PTPN20: variants seen among roughly 807,000 people sequenced by gnomAD.
PTPN20 encodes protein tyrosine phosphatase non-receptor type 20.
Under a neutral mutation model 35.0 loss-of-function variants are expected in PTPN20, and 9 were observed. The observed-to-expected ratio is 0.26, with a 90% CI of 0.15 to 0.45. The LOEUF (loss-of-function observed/expected upper bound fraction) is 0.45, where lower values mean the gene tolerates loss of function less well. Among genes scored for constraint, PTPN20 ranks in the 20% least tolerant of loss-of-function variants. The pLI is 1.00. For synonymous variants in PTPN20, 32 were observed against 100.2 expected, an observed-to-expected ratio of 0.32 and a Z score of 4.06; for missense variants, 111 against 312.5, an observed-to-expected ratio of 0.36 and a Z score of 4.86.
chr10:46,935,773 T>G (rs1158717216), intron 2 of PTPN20, among the ~76,000 whole-genome samples: 1 of 152,206 alleles, frequency 6.6e-6, no homozygotes, highest in Admixed American at 6.5e-5. Flanking sequence ...AACATACATG[T>G]GCATATGTCT....
chr10:46,993,051 A>G (rs113231185), intron 9 of PTPN20, among the ~76,000 whole-genome samples: 3,931 of 152,280 alleles, frequency 0.026, 66 homozygotes, highest in Middle Eastern at 0.075. Context: ...TTTCACAGGC[A>G]GTGTATACTG....
intron 1 of PTPN20, among the ~76,000 whole-genome samples, chr10:46,929,690 A>G (rs1223572689): frequency 6.7e-6 from 1 of 149,324 alleles, no homozygotes; most frequent in Non-Finnish European, 1.5e-5. Flanking sequence ...CAACCCGAGG[A>G]GATGAGTCCA....
chr10:46,959,255 CTTCT>C (rs1316532410), intron 5 of PTPN20, among the ~76,000 whole-genome samples: 1 of 137,626 alleles, frequency 7.3e-6, no homozygotes, highest in Non-Finnish European at 1.6e-5. Flanking sequence ...ATATAATGTC[CTTCT>C]TTGTCATTTT....
intron 5 of PTPN20, among the ~76,000 whole-genome samples, chr10:46,953,445 A>G (rs1555149045): frequency 1.6e-5 from 2 of 128,500 alleles, no homozygotes; most frequent in Non-Finnish European, 3.1e-5. Context: ...TTTTGGTTCA[A>G]TGTTGAATAA....
At chr10:46,954,827 A>G (rs1288004779) in intron 5 of PTPN20, among the ~76,000 whole-genome samples, 4 of 151,362 alleles carry the variant, frequency 2.6e-5, no homozygotes, top group Admixed American at 6.6e-5. Flanking sequence ...AACTTAGATT[A>G]TTGATATATT....
intron 7 of PTPN20, among the ~76,000 whole-genome samples, chr10:46,977,288 C>G (rs1449411858): frequency 1.3e-5 from 2 of 152,294 alleles, no homozygotes; most frequent in Non-Finnish European, 2.9e-5. Flanking sequence ...ACTTGCCAGT[C>G]CCCACAATCA....
At chr10:46,940,559 G>T (rs1430179583) in intron 2 of PTPN20, 64 bp from the exon 3 acceptor site, 56 of 1,498,308 alleles carry the variant, frequency 3.7e-5, no homozygotes, top group Admixed American at 8.5e-5. Flanking sequence ...TCTCATTAAG[G>T]CTCCATTTTT....
intron 7 of PTPN20, 147 bp downstream of exon 7, chr10:46,968,194 TA>T: frequency 3.5e-6 from 1 of 288,410 alleles, no homozygotes; most frequent in African/African-American, 5.6e-5. Flanking sequence ...GGGCATATTC[TA>T]AGATATGTGC....
intron 10 of PTPN20, among the ~76,000 whole-genome samples, chr10:47,000,226 G>A (rs1046237669): frequency 3.7e-4 from 56 of 152,288 alleles, no homozygotes; most frequent in African/African-American, 1.2e-3. Flanking sequence ...AGGTCTCCTC[G>A]TGTCCAAACA....
rs148091773 is a variant in PTPN20 at position 46,978,913 on chromosome 10, G to A, written c.584-5317G>A. Among the ~76,000 whole-genome samples, 34 of 149,372 alleles carry A rather than the reference G, an allele frequency of 2.3e-4. 1 individual carries two copies. The highest frequency in any genetic ancestry group is 7.8e-4 in the African/African-American group (32 of 41,002). On this transcript the variant is annotated intron_variant, in intron 7 of 10. Coordinates refer to ENST00000374339, the MANE Select transcript of PTPN20 (RefSeq NM_001042357.5). The stretch of plus-strand genomic sequence containing the variant: ...TTCCTAGAAGTGAACTAGATGGGAC[G>A]TCTACTGAATTCTTCCTTGATAGGT...
intron 5 of PTPN20, among the ~76,000 whole-genome samples, chr10:46,954,032 A>T (rs2135027206): frequency 8.5e-6 from 1 of 117,318 alleles, no homozygotes; most frequent in Non-Finnish European, 1.7e-5. Context: ...CAGTGAGGCC[A>T]ACTGGACCCA....
intron 2 of PTPN20, among the ~76,000 whole-genome samples, chr10:46,934,989 G>GTTA: frequency 6.8e-6 from 1 of 147,374 alleles, no homozygotes; most frequent in Non-Finnish European, 1.5e-5. Context: ...TTATATGTCT[G>GTTA]TATGAGAGCT....
chr10:46,988,894 C>T (rs1229759966), intron 9 of PTPN20, among the ~76,000 whole-genome samples: 2 of 148,488 alleles, frequency 1.3e-5, no homozygotes, highest in African/African-American at 4.9e-5. Context: ...TTCTTTATTT[C>T]CTTTCAGCTA....
intron 9 of PTPN20, among the ~76,000 whole-genome samples, chr10:46,997,630 AC>A (rs1426649674): frequency 6.6e-6 from 1 of 151,616 alleles, no homozygotes; most frequent in East Asian, 1.9e-4. Context: ...AAAAAAAAAA[AC>A]AAGCTAGAGA....
At chr10:46,938,288 T>C (rs1464642204) in intron 2 of PTPN20, among the ~76,000 whole-genome samples, 3 of 123,952 alleles carry the variant, frequency 2.4e-5, no homozygotes, top group Admixed American at 8.5e-5. Context: ...TTCTGCCTTG[T>C]AGTTATGTTA....
rs1164720918 is a variant in PTPN20, at chr10:47,000,681, G to C, written c.1203G>C (p.Gln401His). The C allele has an allele frequency of 5.4e-5, 87 of 1,613,360 alleles. 3 individuals carry two copies. The South Asian group carries it at 8.9e-4, about 16-fold the overall frequency. Residue 401 changes from glutamine (Q) to histidine (H), a missense_variant, in exon 11 of 11, where the codon CAG (glutamine) becomes CAC (histidine). Gln to His is a conservative substitution (Grantham distance 24). Around this residue, in one of 5 missense-constraint regions of PTPN20, gnomAD observed 61 missense variants for 54.3 expected, o/e 1.12. Coordinates refer to ENST00000374339, the MANE Select transcript of PTPN20 (RefSeq NM_001042357.5). ...TTTTATATATATGTATATAGGAGCA[G>C]TATCACTTTTGTTACGATATTGTGC... is the stretch of plus-strand genomic sequence containing the variant. ...QRSGMVQTKE[Q>H]YHFCYDIVLE...
rs2060043128 is a variant in PTPN20, at chr10:47,001,638, T to G, written c.*897T>G. 6.6e-6 allele frequency: 1 copy of G among 152,180 alleles called. No homozygotes were observed. Among genetic ancestry groups the G allele is most frequent in the African/African-American group, 2.4e-5 (1 of 41,450 alleles). The allele number at this position is 152,180 out of a possible 1,614,324, so 9.4% of individuals were successfully genotyped here. ...GTATCTCTCATGTTTGATGTATTTT[T>G]CAAACTAAGATCTATGATAGTTTTT... is the stretch of plus-strand genomic sequence containing the variant. On this transcript the variant is annotated 3_prime_UTR_variant, in exon 11 of 11. Transcript: ENST00000374339.
chr10:46,953,399 T>TTTCTTTCTTTC (rs1589545013), intron 5 of PTPN20, among the ~76,000 whole-genome samples: 12 of 88,724 alleles, frequency 1.4e-4, no homozygotes, highest in African/African-American at 4.8e-4. Flanking sequence ...TTCTTTCTTT[T>TTTCTTTCTTTC]TTTTTGACTT....
At chr10:46,992,896 GTT>G (rs1267981686) in intron 9 of PTPN20, among the ~76,000 whole-genome samples, 2 of 152,100 alleles carry the variant, frequency 1.3e-5, no homozygotes, top group Non-Finnish European at 2.9e-5. Flanking sequence ...GAGGCTTTTT[GTT>G]TTTATATTCT....
Sources: allele counts gnomAD v4.1 joint callset (sites outside exome capture counted in the v4.1 genomes callset), GRCh38; gene constraint gnomAD v4.1.1; regional missense constraint gnomAD v4.1.1; transcripts MANE v1.5; gene names NCBI Gene and HGNC (gene_info 2026-07-23, HGNC 2026-07-21).